KANK1: variants seen among roughly 807,000 people sequenced by gnomAD.
The protein encoded by KANK1 is KN motif and ankyrin repeat domains 1, also known as KN motif and ankyrin repeat domain-containing protein 1.
KANK1 carries 109 observed loss-of-function variants against 106.2 expected under a neutral mutation model. The observed-to-expected ratio is 1.03, with a 90% CI of 0.88 to 1.20. The LOEUF (loss-of-function observed/expected upper bound fraction) is 1.20. KANK1 is among the 50% of genes most tolerant of loss of function. KANK1 has a pLI of 0.00. For synonymous variants in KANK1, 873 were observed against 652.2 expected, an observed-to-expected ratio of 1.34 and a Z score of -5.16; for missense variants, 2,399 against 1,710.7, an observed-to-expected ratio of 1.40 and a Z score of -7.10.
At chr9:526,369 A>C (rs540561274) in intron 1 of KANK1, among the ~76,000 whole-genome samples, 1 of 151,800 alleles carries the variant, frequency 6.6e-6, no homozygotes, top group African/African-American at 2.4e-5. Context: ...AGCACACATA[A>C]GACCATCATT....
chr9:624,754 A>G (rs2136517268), intron 1 of KANK1, among the ~76,000 whole-genome samples: 1 of 152,240 alleles, frequency 6.6e-6, no homozygotes, highest in South Asian at 2.1e-4. Flanking sequence ...AGCTAAGATC[A>G]CGCCACTGTA....
rs115434462 is a variant in KANK1, at chr9:745,430, G to C, written c.*195G>C. On this transcript the variant is annotated 3_prime_UTR_variant, in exon 12 of 12. Coordinates refer to ENST00000382297, the MANE Select transcript of KANK1 (RefSeq NM_015158.5). The stretch of plus-strand genomic sequence containing the variant: ...GGGCACACACACCTCCTTTCTGGCC[G>C]TCTTCTGTGTAGGGCACACTTTAAC... 1.7e-6 allele frequency: 1 copy of C among 581,040 alleles called. No homozygotes were observed. Among genetic ancestry groups the C allele is most frequent in the Non-Finnish European group, 3.0e-6 (1 of 329,988 alleles). 36.0% of individuals were successfully genotyped at this position (581,040 alleles called of 1,614,324 possible).
chr9:745,757 A>AATAT lies in KANK1; in HGVS notation c.*523_*526dup, dbSNP rs2034443839. On this transcript the variant is annotated 3_prime_UTR_variant, in exon 12 of 12. Coordinates refer to ENST00000382297, the MANE Select transcript of KANK1 (RefSeq NM_015158.5). ...AGACAAAGTATAAAACTTACAAAAG[A>AATAT]ATATTCTCATTTGGTCTTAACTAGG... 1 of 152,708 alleles carries AATAT rather than the reference A, an allele frequency of 6.5e-6. No homozygotes were observed. The highest frequency in any genetic ancestry group is 6.5e-5 in the Admixed American group (1 of 15,290). 9.5% of individuals were successfully genotyped at this position (152,708 alleles called of 1,614,324 possible). A position where few individuals can be genotyped will look rare whatever the true frequency, so the allele number is the denominator to read the frequency against.
intron 2 of KANK1, among the ~76,000 whole-genome samples, chr9:709,554 A>G (rs928413669): frequency 6.6e-6 from 1 of 151,344 alleles, no homozygotes; most frequent in African/African-American, 2.4e-5. Flanking sequence ...TGCTGTCTAT[A>G]TTCCAAGAGA....
rs183355747 is a variant in KANK1, at chr9:592,156, A to T, written c.-83-84734A>T. Among the ~76,000 whole-genome samples the T allele has an allele frequency of 3.0e-3, 456 of 151,850 alleles. 6 individuals are homozygous for T. Among genetic ancestry groups the T allele is most frequent in the South Asian group, 0.011 (53 of 4,818 alleles). ...AACCTTCTTGGAAGAGGTTTTGCAA[A>T]AGCTTCAAAAAAGGGTTTGGCTGAA... On this transcript the variant is annotated intron_variant, in intron 1 of 11. Transcript: ENST00000382297.
intron 3 of KANK1, among the ~76,000 whole-genome samples, chr9:715,530 G>A (rs1589142346): frequency 2.0e-5 from 3 of 152,158 alleles, no homozygotes; most frequent in East Asian, 1.9e-4. Flanking sequence ...GAGCAAGTTC[G>A]GTCTGGCTGT....
At chr9:717,264 AGAGT>A (rs900475219) in intron 3 of KANK1, among the ~76,000 whole-genome samples, 3 of 152,170 alleles carry the variant, frequency 2.0e-5, no homozygotes, top group African/African-American at 7.2e-5. Flanking sequence ...CCTGGGTGAC[AGAGT>A]GAGACCCTGT....
chr9:538,748 G>A (rs1448480947), intron 1 of KANK1, among the ~76,000 whole-genome samples: 1 of 152,206 alleles, frequency 6.6e-6, no homozygotes, highest in Non-Finnish European at 1.5e-5. Context: ...TTTCCTAATT[G>A]TAATATGGAA....
In KANK1 at chr9:742,272, C is replaced by A. The variant is rs187246624; in HGVS notation, c.3764C>A (p.Ala1255Asp). 5.0e-6 allele frequency: 8 copies of A among 1,614,188 alleles called. No homozygotes were observed. The Admixed American group carries it at 6.7e-5, about 13-fold the overall frequency. Residue 1255 changes from alanine to aspartate, a missense_variant, in exon 10 of 12, where the codon GCC becomes GAC. By Grantham distance (126) the Ala-to-Asp change is moderately radical. Transcript: ENST00000382297. ...ATAGACATGGTGAAGGGCCTTCTGGCCTGTGGGGCTGATGTCAACATCCAG... is the reference window on the plus strand; with the variant it reads ...ATAGACATGGTGAAGGGCCTTCTGGACTGTGGGGCTGATGTCAACATCCAG... Reference protein sequence around the residue: ...GRIDMVKGLLACGADVNIQDD... With the variant: ...GRIDMVKGLLDCGADVNIQDD...
At chr9:585,754 G>A (rs901219901) in intron 1 of KANK1, among the ~76,000 whole-genome samples, 4 of 152,136 alleles carry the variant, frequency 2.6e-5, no homozygotes, top group Non-Finnish European at 5.9e-5. Flanking sequence ...GAAAGAGGGG[G>A]TAAGAAAAGT....
intron 1 of KANK1, among the ~76,000 whole-genome samples, chr9:627,551 G>T (rs907726427): frequency 6.6e-6 from 1 of 152,070 alleles, no homozygotes; most frequent in Non-Finnish European, 1.5e-5. Flanking sequence ...GGGTGTTTTT[G>T]CCAGTAATGA....
intron 3 of KANK1, among the ~76,000 whole-genome samples, chr9:490,244 A>G (rs2132289320): frequency 6.6e-6 from 1 of 152,304 alleles, no homozygotes; most frequent in African/African-American, 2.4e-5. Context: ...GTTCACACCT[A>G]TAATCCCAGT....
At chr9:737,666 G>C (rs960923841) in intron 7 of KANK1, among the ~76,000 whole-genome samples, 1 of 152,166 alleles carries the variant, frequency 6.6e-6, no homozygotes, top group Non-Finnish European at 1.5e-5. Context: ...TTCCGTGGTT[G>C]AACAGTTGTA....
intron 1 of KANK1, among the ~76,000 whole-genome samples, chr9:517,616 G>A (rs2059344248): frequency 6.6e-6 from 1 of 151,558 alleles, no homozygotes; most frequent in Non-Finnish European, 1.5e-5. Flanking sequence ...GAGAAGGTAA[G>A]CATCTCTTCC....
At chr9:613,950 T>C (rs1831176607) in intron 1 of KANK1, among the ~76,000 whole-genome samples, 1 of 152,042 alleles carries the variant, frequency 6.6e-6, no homozygotes, top group African/African-American at 2.4e-5. Context: ...CAGGAAAGAG[T>C]AGTTCTCCTT....
At chr9:548,170 G>A (rs572941835) in intron 1 of KANK1, among the ~76,000 whole-genome samples, 4 of 152,202 alleles carry the variant, frequency 2.6e-5, no homozygotes, top group African/African-American at 9.6e-5. Flanking sequence ...TATGTATTAT[G>A]GATAAATAAG....
At chr9:513,242 T>C (rs1327294912) in intron 1 of KANK1, among the ~76,000 whole-genome samples, 1 of 152,284 alleles carries the variant, frequency 6.6e-6, no homozygotes, top group Non-Finnish European at 1.5e-5. Flanking sequence ...TTATGAATGC[T>C]GGAAGCAAAT....
At chr9:633,350 T>C (rs73378976) in intron 1 of KANK1, among the ~76,000 whole-genome samples, 22,660 of 151,976 alleles carry the variant, frequency 0.15, 1,864 homozygotes, top group Admixed American at 0.17. Context: ...CCCAGCTACT[T>C]GGGAGGCTGA....
At chr9:734,657 C>G (rs1427392829) in intron 6 of KANK1, 91 bp from the exon 7 acceptor site, 13 of 856,746 alleles carry the variant, frequency 1.5e-5, no homozygotes, top group Non-Finnish European at 1.1e-5. Flanking sequence ...CAGAGCATGA[C>G]CCTGTCTCAA....
Sources: gnomAD v4.1 joint callset for allele counts (sites outside exome capture counted in the v4.1 genomes callset) on GRCh38, gnomAD v4.1.1 for gene constraint, MANE v1.5 for transcripts, NCBI Gene and HGNC (gene_info 2026-07-23, HGNC 2026-07-21) for gene names.